LRRC37B: variants seen among roughly 807,000 people sequenced by gnomAD.
LRRC37B encodes the protein leucine-rich repeat-containing protein 37B.
LRRC37B carries 28 observed loss-of-function variants against 98.3 expected under a neutral mutation model. The ratio of observed to expected loss-of-function variants is 0.28; its 90% CI spans 0.21 to 0.39. The LOEUF is 0.39. Ranked by LOEUF, LRRC37B falls within the 10% of genes least tolerant of loss-of-function variation. The probability of loss-of-function intolerance (pLI) is 1.00; values close to 1 mark genes in which losing one functional copy is unlikely to be tolerated. For synonymous variants in LRRC37B, 364 were observed against 442.7 expected, an observed-to-expected ratio of 0.82 and a Z score of 2.23; for missense variants, 938 against 1,182.7, an observed-to-expected ratio of 0.79 and a Z score of 3.03.
chr17:32,035,223 G>A (rs2142251664), intron 6 of LRRC37B, among the ~76,000 whole-genome samples: 1 of 152,028 alleles, frequency 6.6e-6, no homozygotes, highest in Admixed American at 6.5e-5. Context: ...GACACATGGA[G>A]GAATATTACT....
chr17:32,034,760 G>T, intron 5 of LRRC37B, 150 bp from the exon 9 acceptor site: 1 of 559,384 alleles, frequency 1.8e-6, no homozygotes, highest in South Asian at 2.1e-5. Context: ...AAGGAATAGT[G>T]CTTTATGGAG....
rs141872427 is a variant in LRRC37B at position 32,013,710 on chromosome 17, A to ATGTGTGTGTGTGTG, written c.-190-4250_-190-4237dup. Among the ~76,000 whole-genome samples, 109 of 148,168 alleles carry ATGTGTGTGTGTGTG rather than the reference A, an allele frequency of 7.4e-4. 2 individuals are homozygous for ATGTGTGTGTGTGTG. Among genetic ancestry groups the ATGTGTGTGTGTGTG allele is most frequent in the African/African-American group, 4.7e-4 (19 of 40,410 alleles). On this transcript the variant is annotated intron_variant, in intron 1 of 14. Coordinates refer to the LRRC37B transcript ENST00000543378. ...TAGTCCCCCTCCCTTATAATTGTAT[A>ATGTGTGTGTGTGTG]TGTGTGTGTGTGTGTGTGTGTGTGT...
intron 1 of LRRC37B, among the ~76,000 whole-genome samples, chr17:32,015,239 A>G (rs1466384115): frequency 6.6e-6 from 1 of 152,246 alleles, no homozygotes; most frequent in Non-Finnish European, 1.5e-5. Context: ...AGCCTTGTTC[A>G]GTAATAATGT....
rs1911208773 is a variant in LRRC37B at position 32,034,992 on chromosome 17, TA to T, written c.2129+12del. 2.6e-6 allele frequency: 4 copies of T among 1,554,034 alleles called. No individual in the cohort carries two copies. Among genetic ancestry groups the T allele is most frequent in the Admixed American group, 1.7e-5 (1 of 58,096 alleles). The stretch of plus-strand genomic sequence containing the variant: ...GGCATTAAAATATCTGTAAGTACTA[TA>T]GTACTCTCATGAGTCATGAGATGAT... On this transcript the variant is annotated intron_variant, in intron 6 of 11. Transcript: ENST00000327564.
At chr17:32,014,647 A>T (rs1366151024) in intron 1 of LRRC37B, among the ~76,000 whole-genome samples, 1 of 152,214 alleles carries the variant, frequency 6.6e-6, no homozygotes, top group Non-Finnish European at 1.5e-5. Context: ...TAAAATATGT[A>T]TGGTGGTTGA....
chr17:32,045,822 A>G lies in LRRC37B; in HGVS notation c.2323+4A>G, dbSNP rs1911562101. 6.3e-7 allele frequency: 1 copy of G among 1,598,412 alleles called. No homozygotes were observed. The highest frequency in any genetic ancestry group is 8.5e-7 in the Non-Finnish European group (1 of 1,178,862). Reference sequence around the variant, plus strand: ...CTGACTAACAGCATACATTGTCGTGAGTCCAAATTGCCTGGTGATAAATTG... The same window carrying G: ...CTGACTAACAGCATACATTGTCGTGGGTCCAAATTGCCTGGTGATAAATTG... On this transcript the variant is annotated splice_donor_region_variant and intron_variant, in intron 8 of 11. Transcript: ENST00000327564.
intron 1 of LRRC37B, among the ~76,000 whole-genome samples, chr17:32,009,275 T>G (rs913898035): frequency 6.6e-6 from 1 of 152,098 alleles, no homozygotes; most frequent in Non-Finnish European, 1.5e-5. Flanking sequence ...ATCTTTTTTT[T>G]TTTTGAGGTA....
At chr17:32,051,366 A>C (rs1407802042) in intron 11 of LRRC37B, 1 of 151,978 alleles carries the variant, frequency 6.6e-6, no homozygotes, top group African/African-American at 2.4e-5. Flanking sequence ...GTGTCGTCCC[A>C]GCTACTTGTG....
intron 7 of LRRC37B, chr17:32,039,984 C>G (rs1279528637): frequency 6.6e-6 from 1 of 152,218 alleles, no homozygotes; most frequent in African/African-American, 2.4e-5. Flanking sequence ...CTGCTTTCTT[C>G]TTGACCATTA....
intron 9 of LRRC37B, 61 bp from the exon 13 acceptor site, chr17:32,049,041 G>C (rs1598215334): frequency 6.2e-7 from 1 of 1,610,328 alleles, no homozygotes; most frequent in Admixed American, 1.7e-5. Context: ...ATACAACAAT[G>C]TGGGCATTGA....
At chr17:32,012,528 C>T (rs1910546541) in intron 1 of LRRC37B, among the ~76,000 whole-genome samples, 1 of 151,018 alleles carries the variant, frequency 6.6e-6, no homozygotes, top group Non-Finnish European at 1.5e-5. Flanking sequence ...ACCAGACCGG[C>T]CAACATGGCG....
At chr17:32,030,279 A>G (rs561600516) in intron 3 of LRRC37B, among the ~76,000 whole-genome samples, 1 of 152,106 alleles carries the variant, frequency 6.6e-6, no homozygotes, top group Admixed American at 6.6e-5. Flanking sequence ...AGGAAAACAA[A>G]GCTAAACTAG....
intron 7 of LRRC37B, among the ~76,000 whole-genome samples, chr17:32,039,076 A>G (rs561962559): frequency 1.6e-4 from 25 of 152,222 alleles, no homozygotes; most frequent in African/African-American, 5.1e-4. Context: ...ATTTAGATCT[A>G]TGATCCATTT....
chr17:32,014,038 A>G (rs1308748008), intron 1 of LRRC37B, among the ~76,000 whole-genome samples: 1 of 152,130 alleles, frequency 6.6e-6, no homozygotes, highest in Non-Finnish European at 1.5e-5. Flanking sequence ...AGTTGACTCA[A>G]TTACCACCAA....
intron 5 of LRRC37B, among the ~76,000 whole-genome samples, 196 bp from the exon 9 acceptor site, chr17:32,034,714 C>G (rs1389976234): frequency 5.3e-5 from 8 of 151,506 alleles, no homozygotes; most frequent in African/African-American, 1.9e-4. Flanking sequence ...GCTTTCTCTC[C>G]TCTACTTTAT....
At chr17:32,021,112 T>G in exon 1 of LRRC37B, 1 of 1,614,132 alleles carries the variant, frequency 6.2e-7, no homozygotes, top group Non-Finnish European at 8.5e-7. Context: ...GCTGCCAGAA[T>G]GGCTTTTGCT....
At chr17:32,023,541 G>C (rs1001477678) in intron 1 of LRRC37B, among the ~76,000 whole-genome samples, 5 of 152,144 alleles carry the variant, frequency 3.3e-5, no homozygotes, top group Non-Finnish European at 5.9e-5. Flanking sequence ...CTGTTTATTA[G>C]CTTGGTGATC....
intron 7 of LRRC37B, among the ~76,000 whole-genome samples, chr17:32,038,392 G>A (rs1911313245): frequency 6.6e-6 from 1 of 152,024 alleles, no homozygotes; most frequent in South Asian, 2.1e-4. Context: ...CTGGGAGGTC[G>A]AGGCTCTGCA....
chr17:32,042,564 T>C (rs1281989409), intron 7 of LRRC37B: 1 of 153,598 alleles, frequency 6.5e-6, no homozygotes, highest in African/African-American at 2.4e-5. Flanking sequence ...CAGGCCAGCA[T>C]GTCTGCAGCC....
Sources: gnomAD v4.1 joint callset for allele counts (sites outside exome capture counted in the v4.1 genomes callset) on GRCh38, gnomAD v4.1.1 for gene constraint, MANE v1.5 for transcripts, NCBI Gene and HGNC (gene_info 2026-07-23, HGNC 2026-07-21) for gene names.